MYLK: variants seen among roughly 807,000 people sequenced by gnomAD.
MYLK encodes the protein myosin light chain kinase, smooth muscle.
Under a neutral mutation model 203.4 loss-of-function variants are expected in MYLK, and 106 were observed. The ratio of observed to expected loss-of-function variants is 0.52; its 90% confidence interval spans 0.45 to 0.61. The LOEUF (loss-of-function observed/expected upper bound fraction) is 0.61. MYLK is among the 20% of genes least tolerant of loss of function. The probability of loss-of-function intolerance (pLI) is 0.00; values close to 1 mark genes in which losing one functional copy is unlikely to be tolerated. For synonymous variants in MYLK, 867 were observed against 959.5 expected (o/e 0.90, Z 1.78); for missense variants, 2,072 against 2,442.3 (o/e 0.85, Z 3.20).
Position 123,615,310 on chromosome 3 carries a change from T to G in MYLK, c.5501-961A>C, listed in dbSNP as rs569828033. On this transcript the variant is annotated intron_variant, in intron 33 of 33. Coordinates refer to ENST00000360304, the MANE Select transcript of MYLK (RefSeq NM_053025.4). ...AACTCTACACCTAGATCTGAATACC[T>G]TCTTAGATTGAAAATACAATTTTCT... Among the ~76,000 whole-genome samples, 3 of 152,078 alleles carry G rather than the reference T, an allele frequency of 2.0e-5. No individual in the cohort carries two copies. The South Asian group carries it at 6.2e-4, about 32-fold the overall frequency.
In MYLK at chr3:123,683,136, TG is replaced by T. The variant is rs2060328368; in HGVS notation, c.3566-827del. Among the ~76,000 whole-genome samples the T allele has an allele frequency of 2.0e-5, 3 of 152,232 alleles. No homozygotes were observed. The South Asian group carries it at 6.2e-4, about 32-fold the overall frequency. ...TCCAGGAACTGGGATAAGGAGGAGCTGGTTGAGTGGCTATCACTGGGCCCCA... is the reference window on the plus strand; with the variant it reads ...TCCAGGAACTGGGATAAGGAGGAGCTGTTGAGTGGCTATCACTGGGCCCCA... On this transcript the variant is annotated intron_variant, in intron 19 of 33. Transcript: ENST00000360304.
intron 17 of MYLK, 26 bp downstream of exon 17, chr3:123,701,412 G>A (rs765052665): frequency 3.6e-5 from 58 of 1,612,654 alleles, no homozygotes; most frequent in Non-Finnish European, 4.1e-5. Flanking sequence ...GCATGGCCTG[G>A]AGGGGCAGCT....
intron 33 of MYLK, among the ~76,000 whole-genome samples, chr3:123,615,803 C>T (rs2057455644): frequency 6.6e-6 from 1 of 151,094 alleles, no homozygotes; most frequent in Non-Finnish European, 1.5e-5. Context: ...TACACACCAC[C>T]ACACCCAGCT....
intron 1 of MYLK, among the ~76,000 whole-genome samples, chr3:123,883,688 G>A (rs6801084): frequency 0.099 from 15,137 of 152,274 alleles, 872 homozygotes; most frequent in Middle Eastern, 0.21. Flanking sequence ...AGGAGGCAGA[G>A]CGAGGTAAGG....
intron 19 of MYLK, among the ~76,000 whole-genome samples, chr3:123,687,472 C>T (rs2060495568): frequency 6.6e-6 from 1 of 152,168 alleles, no homozygotes; most frequent in Non-Finnish European, 1.5e-5. Context: ...GTTACTATCA[C>T]TCCCCTGAAG....
intron 3 of MYLK, among the ~76,000 whole-genome samples, chr3:123,804,386 T>C (rs1363050568): frequency 6.6e-6 from 1 of 152,116 alleles, no homozygotes; most frequent in Non-Finnish European, 1.5e-5. Context: ...GTCACCTCTC[T>C]GTGGCAGGAG....
At chr3:123,628,401 G>A (rs747601881) in intron 30 of MYLK, among the ~76,000 whole-genome samples, 2 of 152,252 alleles carry the variant, frequency 1.3e-5, no homozygotes, top group East Asian at 3.9e-4. Flanking sequence ...CCTCCTGCCC[G>A]CCCTGGAGCC....
At chr3:123,720,863 C>G (rs1468032460) in intron 13 of MYLK, among the ~76,000 whole-genome samples, 1 of 152,196 alleles carries the variant, frequency 6.6e-6, no homozygotes, top group Non-Finnish European at 1.5e-5. Flanking sequence ...CACTGCCCAG[C>G]CCACAGTGGC....
intron 4 of MYLK, among the ~76,000 whole-genome samples, chr3:123,787,371 T>G (rs934000253): frequency 6.6e-6 from 1 of 150,864 alleles, no homozygotes; most frequent in Non-Finnish European, 1.5e-5. Flanking sequence ...AGGCAGGGAG[T>G]GCTGATGGGG....
intron 2 of MYLK, among the ~76,000 whole-genome samples, chr3:123,846,312 T>A (rs780987029): frequency 3.9e-4 from 59 of 152,236 alleles, no homozygotes; most frequent in Non-Finnish European, 2.1e-4. Context: ...GTATATATAG[T>A]GTTGTTTTCC....
intron 4 of MYLK, among the ~76,000 whole-genome samples, chr3:123,791,647 T>C (rs1428168939): frequency 6.6e-6 from 1 of 152,236 alleles, no homozygotes; most frequent in African/African-American, 2.4e-5. Context: ...AGTGGTCAAG[T>C]AGCGCTGCAG....
At chr3:123,652,703 G>T (rs974211315) in intron 24 of MYLK, among the ~76,000 whole-genome samples, 2 of 152,216 alleles carry the variant, frequency 1.3e-5, no homozygotes, top group African/African-American at 4.8e-5. Context: ...ATACAGACTA[G>T]AACAAATTAG....
At chr3:123,819,836 TC>T (rs1157451976) in intron 3 of MYLK, among the ~76,000 whole-genome samples, 1 of 141,686 alleles carries the variant, frequency 7.1e-6, no homozygotes, top group African/African-American at 2.6e-5. Flanking sequence ...TGAAGACTCC[TC>T]TTTTTAAGTT....
chr3:123,699,940 TCAG>T, intron 18 of MYLK, 77 bp downstream of exon 18: 1 of 1,596,234 alleles, frequency 6.3e-7, no homozygotes, highest in East Asian at 2.2e-5. Flanking sequence ...CTAACAGGGG[TCAG>T]CGAGACCAAC....
chr3:123,666,917 A>G (rs1479808900), intron 21 of MYLK: 2 of 612,834 alleles, frequency 3.3e-6, no homozygotes, highest in East Asian at 2.7e-5. Flanking sequence ...AGGCAGATGG[A>G]AAGACAAAGC....
Position 123,647,212 on chromosome 3 carries a change from T to C in MYLK, c.4619+12A>G. ...CCTGTGGTGCCCACGCTGCTGGCAG[T>C]GGGCCACTCACATCTCCAGGACCAT... On this transcript the variant is annotated intron_variant, in intron 27 of 33. Transcript: ENST00000360304. 6.2e-7 allele frequency: 1 copy of C among 1,613,728 alleles called. No homozygotes were observed. The highest frequency in any genetic ancestry group is 8.5e-7 in the Non-Finnish European group (1 of 1,179,866).
At chr3:123,719,627 G>A (rs1461908181) in intron 13 of MYLK, among the ~76,000 whole-genome samples, 1 of 152,240 alleles carries the variant, frequency 6.6e-6, no homozygotes, top group African/African-American at 2.4e-5. Context: ...GGAAGCTGAG[G>A]TCTGGAATGC....
chr3:123,818,553 G>T (rs2065821951), intron 3 of MYLK, among the ~76,000 whole-genome samples: 1 of 152,118 alleles, frequency 6.6e-6, no homozygotes, highest in Non-Finnish European at 1.5e-5. Context: ...AACTGGGAAT[G>T]GTGGTGCATG....
intron 24 of MYLK, among the ~76,000 whole-genome samples, chr3:123,652,428 A>C (rs2059246191): frequency 6.6e-6 from 1 of 152,230 alleles, no homozygotes; most frequent in Non-Finnish European, 1.5e-5. Context: ...GGAGAGGATC[A>C]GCTGAGTGCT....
Sources: allele counts gnomAD v4.1 joint callset (sites outside exome capture counted in the v4.1 genomes callset), GRCh38; gene constraint gnomAD v4.1.1; transcripts MANE v1.5; gene names NCBI Gene and HGNC (gene_info 2026-07-23, HGNC 2026-07-21).